MGAM: variants seen among roughly 807,000 people sequenced by gnomAD.
MGAM encodes the protein maltase-glucoamylase, also known as alpha-1,4-glucosidase.
In MGAM, 253 loss-of-function variants were observed where a neutral mutation model predicts 358.8. The observed-to-expected ratio is 0.71, with a 90% CI of 0.64 to 0.78. The LOEUF is 0.78. MGAM is among the 30% of genes least tolerant of loss of function. The pLI is 0.00. For synonymous variants in MGAM, 1,105 were observed against 1,227.1 expected (o/e 0.90, Z 2.08); for missense variants, 3,080 against 3,432.6 (o/e 0.90, Z 2.57).
rs1335688855 is a variant in MGAM, at chr7:142,094,426, C to T, written c.7235C>T (p.Ser2412Phe). 2.3e-5 allele frequency: 35 copies of T among 1,534,938 alleles called. 8 individuals carry two copies. The highest frequency in any genetic ancestry group is 2.9e-5 in the Non-Finnish European group (32 of 1,122,082). The change falls in exon 61 of 71, where the codon TCT becomes TTT. Residue 2412 changes from serine (S) to phenylalanine (F), a missense_variant. Coordinates refer to ENST00000475668, the MANE Select transcript of MGAM (RefSeq NM_001365693.1). ...ATCACCCGCTCCACATTTCCCTCTT[C>T]TGGCCGCTGGGCAGGACATTGGCTG... ...VVITRSTFPS[S>F]GRWAGHWLGD... is the part of the protein sequence containing the mutation.
At chr7:142,021,811 T>C (rs545812494) in intron 6 of MGAM, 74 bp downstream of exon 6, 1 of 1,474,622 alleles carries the variant, frequency 6.8e-7, no homozygotes, top group African/African-American at 1.4e-5. Flanking sequence ...AAGAAGGGGG[T>C]GTTTCAACAA....
intron 66 of MGAM, among the ~76,000 whole-genome samples, chr7:142,099,356 C>A (rs1285073089): frequency 6.6e-6 from 1 of 152,150 alleles, no homozygotes; most frequent in South Asian, 2.1e-4. Context: ...GAGAGTAGCA[C>A]CTCTTCCTGT....
At position 142,059,528 on chromosome 7, in the gene MGAM, C is replaced by T. The variant is rs1811898592; in HGVS notation, c.3876C>T (p.Ser1292=). 6.2e-7 allele frequency: 1 copy of T among 1,613,084 alleles called. No individual in the cohort carries two copies. Among genetic ancestry groups the T allele is most frequent in the South Asian group, 1.1e-5 (1 of 91,060 alleles). ...YMERQLDFTL[S]PKFAGFPALI... ...AGCGGCAGCTGGACTTCACCCTCAG[C>T]CCCAAGTTTGCTGGGTTTCCAGCTC... Residue 1292 remains serine (S), a synonymous_variant, in exon 32 of 71, where the codon AGC becomes AGT. Coordinates refer to ENST00000475668, the MANE Select transcript of MGAM (RefSeq NM_001365693.1).
chr7:142,048,512 C>T (rs976589245), intron 22 of MGAM, among the ~76,000 whole-genome samples: 1 of 152,084 alleles, frequency 6.6e-6, no homozygotes, highest in African/African-American at 2.4e-5. Context: ...GTTCCCGTAA[C>T]CCAATGTTAA....
intron 31 of MGAM, among the ~76,000 whole-genome samples, chr7:142,059,079 T>C (rs1388243007): frequency 1.3e-5 from 2 of 152,214 alleles, no homozygotes; most frequent in Non-Finnish European, 2.9e-5. Context: ...GATTTACTAT[T>C]AGTCCTGGAT....
Position 142,065,374 on chromosome 7 carries a change from C to T in MGAM, c.4524C>T (p.Ile1508=). The T allele has an allele frequency of 6.2e-7, 1 of 1,610,998 alleles. No homozygotes were observed. Among genetic ancestry groups the T allele is most frequent in the Non-Finnish European group, 8.5e-7 (1 of 1,178,744 alleles). ...TGACGGGACAGCGAGGGGTCGTCATCACCCGCTCCACATTTCCCTCTTCTG... is the reference window on the plus strand; with the variant it reads ...TGACGGGACAGCGAGGGGTCGTCATTACCCGCTCCACATTTCCCTCTTCTG... The part of the protein sequence containing the change: ...QEVTGQRGVV[I]TRSTFPSSGR... Residue 1508 remains isoleucine, a synonymous_variant, in exon 38 of 71, where the codon ATC becomes ATT. Coordinates refer to ENST00000475668, the MANE Select transcript of MGAM (RefSeq NM_001365693.1).
chr7:142,010,788 A>G (rs970186926), intron 3 of MGAM, among the ~76,000 whole-genome samples: 2 of 152,162 alleles, frequency 1.3e-5, no homozygotes, highest in Non-Finnish European at 2.9e-5. Flanking sequence ...GTGCCTCTAT[A>G]GGTTCACTTA....
intron 31 of MGAM, 150 bp downstream of exon 31, chr7:142,058,478 A>T: frequency 7.2e-7 from 1 of 1,386,082 alleles, no homozygotes; most frequent in South Asian, 1.4e-5. Flanking sequence ...GCACAGTAAT[A>T]TAGGTAAGGG....
At position 142,060,359 on chromosome 7, in the gene MGAM, G is replaced by A. The variant is rs1442184812; in HGVS notation, c.4108G>A (p.Asp1370Asn). The change falls in exon 34 of 71, where the codon GAC becomes AAC. Residue 1370 changes from aspartate to asparagine, a missense_variant. By Grantham distance (23) the Asp-to-Asn change is conservative. Coordinates refer to ENST00000475668, the MANE Select transcript of MGAM (RefSeq NM_001365693.1). Reference sequence around the variant, plus strand: ...TGTTGTGAATGGGTCTCTAGACTGGGACAGCCAAGTGGAGGTAAAAGGGTG... The same window carrying A: ...TGTTGTGAATGGGTCTCTAGACTGGAACAGCCAAGTGGAGGTAAAAGGGTG... Reference protein sequence around the residue: ...DVVVNGSLDWDSQVELYRAYV... With the variant: ...DVVVNGSLDWNSQVELYRAYV... The A allele has an allele frequency of 1.2e-6, 2 of 1,614,058 alleles. No individual in the cohort carries two copies. The highest frequency in any genetic ancestry group is 1.7e-6 in the Non-Finnish European group (2 of 1,179,880).
intron 35 of MGAM, 87 bp downstream of exon 35, chr7:142,062,789 G>C (rs777157230): frequency 1.9e-6 from 3 of 1,567,154 alleles, no homozygotes; most frequent in Non-Finnish European, 2.6e-6. Flanking sequence ...TCAATCAAGA[G>C]GATAGTCATT....
rs183060175 is a variant in MGAM at position 142,052,697 on chromosome 7, A to G, written c.2959-87A>G. On this transcript the variant is annotated intron_variant, in intron 25 of 70. Coordinates refer to ENST00000475668, the MANE Select transcript of MGAM (RefSeq NM_001365693.1). ...AGTGATGGGCTAGTTTTATCGTCATATAAAATGACTTTACTAACCCTGTTT... is the reference window on the plus strand; with the variant it reads ...AGTGATGGGCTAGTTTTATCGTCATGTAAAATGACTTTACTAACCCTGTTT... The G allele has an allele frequency of 1.5e-5, 22 of 1,508,658 alleles. No individual in the cohort carries two copies. In the Admixed American group the frequency reaches 3.7e-4, roughly 25 times the overall value. The allele number at this position is 1,508,658 out of a possible 1,614,324, so 93.5% of individuals were successfully genotyped here.
chr7:142,024,006 T>C (rs1261145997), intron 7 of MGAM, among the ~76,000 whole-genome samples: 1 of 151,952 alleles, frequency 6.6e-6, no homozygotes, highest in Non-Finnish European at 1.5e-5. Context: ...GGCCAAGGCG[T>C]GTGGATCATT....
intron 1 of MGAM, among the ~76,000 whole-genome samples, chr7:141,997,776 A>T (rs1468483632): frequency 2.0e-5 from 3 of 152,116 alleles, no homozygotes; most frequent in Non-Finnish European, 4.4e-5. Flanking sequence ...GTGTGACCAG[A>T]CTTGGAAGAA....
chr7:142,082,402 A>T, intron 51 of MGAM, 73 bp from the exon 52 acceptor site: 1 of 1,314,458 alleles, frequency 7.6e-7, no homozygotes, highest in Non-Finnish European at 1.1e-6. Context: ...CTTAGCAAGC[A>T]TATTTTTGTT....
At chr7:142,059,371 G>C (rs1811869309) in intron 31 of MGAM, 101 bp from the exon 32 acceptor site, 1 of 1,510,086 alleles carries the variant, frequency 6.6e-7, no homozygotes, top group Non-Finnish European at 8.9e-7. Flanking sequence ...GCATCAACAA[G>C]AAGCTGTCTG....
At position 142,045,074 on chromosome 7, in the gene MGAM, G is replaced by T. The variant is rs1319712300; in HGVS notation, c.2499-2711G>T. ...TATAATATGTATATTATATATACGT[G>T]TAATATATGATATATAATATGTATA... On this transcript the variant is annotated intron_variant, in intron 21 of 70. Coordinates refer to ENST00000475668, the MANE Select transcript of MGAM (RefSeq NM_001365693.1). Among the ~76,000 whole-genome samples the T allele has an allele frequency of 3.0e-4, 18 of 61,002 alleles. 4 individuals carry two copies. The East Asian group carries it at 8.6e-3, about 29-fold the overall frequency. 40.0% of individuals were successfully genotyped at this position (61,002 alleles called of 152,430 possible). A position where few individuals can be genotyped will look rare whatever the true frequency, so the allele number is the denominator to read the frequency against.
rs560556724 is a variant in MGAM at position 142,099,078 on chromosome 7, A to G, written c.7750-535A>G. On this transcript the variant is annotated intron_variant, in intron 66 of 70. Coordinates refer to ENST00000475668, the MANE Select transcript of MGAM (RefSeq NM_001365693.1). Reference sequence around the variant, plus strand: ...AACAATAACTGCTTCTTACCTGTAAAGTAGCAGCTCTGAAATGAGAGGATT... The same window carrying G: ...AACAATAACTGCTTCTTACCTGTAAGGTAGCAGCTCTGAAATGAGAGGATT... Among the ~76,000 whole-genome samples, 6 of 152,352 alleles carry G rather than the reference A, an allele frequency of 3.9e-5. No individual in the cohort carries two copies. In the South Asian group the frequency reaches 1.2e-3, roughly 32 times the overall value.
In MGAM at chr7:142,088,810, C is replaced by A. The variant is rs61565725; in HGVS notation, c.6810+2093C>A. Among the ~76,000 whole-genome samples the A allele has an allele frequency of 2.0e-4, 24 of 118,188 alleles. 3 individuals carry two copies. Among genetic ancestry groups the A allele is most frequent in the South Asian group, 1.7e-3 (6 of 3,486 alleles). The allele number at this position is 118,188 out of a possible 152,430, so 77.5% of individuals were successfully genotyped here. ...CTATCTATCTATCTATCATTCTATC[C>A]TATCTATGTACCATCTATCTATCTA... On this transcript the variant is annotated intron_variant, in intron 57 of 70. Transcript: ENST00000475668.
intron 1 of MGAM, among the ~76,000 whole-genome samples, chr7:141,998,804 T>C (rs897893061): frequency 6.6e-6 from 1 of 152,192 alleles, no homozygotes; most frequent in East Asian, 1.9e-4. Context: ...ATGGTATTTC[T>C]AGTTCTAGAT....
Sources: gnomAD v4.1 joint callset for allele counts (sites outside exome capture counted in the v4.1 genomes callset) on GRCh38, gnomAD v4.1.1 for gene constraint, MANE v1.5 for transcripts, NCBI Gene and HGNC (gene_info 2026-07-23, HGNC 2026-07-21) for gene names.